LUZP2: variants seen among roughly 807,000 people sequenced by gnomAD.
LUZP2 encodes the protein leucine zipper protein 2.
LUZP2 carries 52 observed loss-of-function variants against 51.6 expected under a neutral mutation model. The observed-to-expected ratio is 1.01, with a 90% CI of 0.81 to 1.27. The LOEUF (loss-of-function observed/expected upper bound fraction) is 1.27. Ranked by LOEUF, LUZP2 falls within the 50% of genes most tolerant of loss-of-function variation. LUZP2 has a pLI of 0.00. For missense variants in LUZP2, 436 were observed against 395.4 expected (o/e 1.10, Z -0.87); for synonymous variants, 154 against 137.3 (o/e 1.12, Z -0.85).
At chr11:25,054,107 A>G (rs568114750) in intron 10 of LUZP2, among the ~76,000 whole-genome samples, 2 of 152,312 alleles carry the variant, frequency 1.3e-5, no homozygotes, top group Admixed American at 6.5e-5. Flanking sequence ...TCACTTAGGT[A>G]GCTTGTCTGT....
chr11:24,609,817 G>C (rs928329519), intron 1 of LUZP2, among the ~76,000 whole-genome samples: 6 of 149,008 alleles, frequency 4.0e-5, no homozygotes, highest in Admixed American at 2.7e-4. Context: ...AAATTCATCA[G>C]AGAACTAAGG....
intron 4 of LUZP2, among the ~76,000 whole-genome samples, chr11:24,746,031 T>C (rs1859367896): frequency 6.6e-6 from 1 of 152,180 alleles, no homozygotes; most frequent in Non-Finnish European, 1.5e-5. Flanking sequence ...TTTAGGCCAT[T>C]TACCATCAAT....
chr11:24,913,544 T>C (rs1038182316), intron 6 of LUZP2, among the ~76,000 whole-genome samples: 5 of 152,140 alleles, frequency 3.3e-5, no homozygotes, highest in African/African-American at 1.2e-4. Flanking sequence ...TGTAATGCAA[T>C]GTACATATGT....
chr11:24,957,795 G>A (rs546435022), intron 7 of LUZP2, among the ~76,000 whole-genome samples: 24 of 152,058 alleles, frequency 1.6e-4, no homozygotes, highest in Admixed American at 1.3e-3. Flanking sequence ...GGGTACATGT[G>A]CACAATGTGC....
chr11:24,996,110 A>C (rs75344124), intron 9 of LUZP2, among the ~76,000 whole-genome samples: 55 of 151,374 alleles, frequency 3.6e-4, no homozygotes, highest in African/African-American at 1.2e-3. Context: ...TATATTTAAC[A>C]ACAAATTGTG....
intron 1 of LUZP2, among the ~76,000 whole-genome samples, chr11:24,523,786 A>C (rs1409484613): frequency 6.6e-6 from 1 of 151,726 alleles, no homozygotes; most frequent in South Asian, 2.1e-4. Context: ...GTAATATATT[A>C]ATTTTGATCC....
intron 9 of LUZP2, among the ~76,000 whole-genome samples, chr11:25,001,401 T>C (rs911786315): frequency 1.3e-5 from 2 of 152,210 alleles, no homozygotes; most frequent in African/African-American, 4.8e-5. Context: ...CATCTAGTCC[T>C]GTCCTGAAGG....
chr11:24,895,175 A>G (rs2133766220), intron 5 of LUZP2, among the ~76,000 whole-genome samples: 2 of 152,296 alleles, frequency 1.3e-5, no homozygotes, highest in South Asian at 2.1e-4. Context: ...TAGGAAGTTT[A>G]CCCTGAAACA....
At chr11:24,690,987 T>C (rs779147983) in intron 1 of LUZP2, among the ~76,000 whole-genome samples, 8 of 152,100 alleles carry the variant, frequency 5.3e-5, no homozygotes, top group Non-Finnish European at 1.2e-4. Context: ...AACATAGATG[T>C]TGTTTTCTGT....
At chr11:24,915,935 T>G (rs1273987843) in intron 7 of LUZP2, among the ~76,000 whole-genome samples, 1 of 152,174 alleles carries the variant, frequency 6.6e-6, no homozygotes, top group Non-Finnish European at 1.5e-5. Flanking sequence ...TAGATTCTAT[T>G]TCACATACTT....
At chr11:24,908,881 G>T (rs1853542502) in intron 6 of LUZP2, among the ~76,000 whole-genome samples, 1 of 151,110 alleles carries the variant, frequency 6.6e-6, no homozygotes. Context: ...TCAGCCTCCT[G>T]AGTAGCTGGG....
chr11:24,889,315 A>T (rs1852774326), intron 5 of LUZP2, among the ~76,000 whole-genome samples: 1 of 152,192 alleles, frequency 6.6e-6, no homozygotes, highest in Non-Finnish European at 1.5e-5. Flanking sequence ...TAACTAAAAA[A>T]TCTGGGATAT....
In LUZP2 at chr11:24,642,374, T is replaced by C. The variant is rs1023729935; in HGVS notation, c.63-86795T>C. ...ATAAAACTCTATGAGTTTTGACAAA[T>C]TCATTGTATCATGTGTATACCATTG... On this transcript the variant is annotated intron_variant, in intron 1 of 11. Transcript: ENST00000336930. Among the ~76,000 whole-genome samples, 6 of 151,872 alleles carry C rather than the reference T, an allele frequency of 4.0e-5. No individual in the cohort carries two copies. The Middle Eastern group carries it at 0.01, about 258-fold the overall frequency.
chr11:24,656,579 G>A (rs546091759), intron 1 of LUZP2, among the ~76,000 whole-genome samples: 1 of 152,258 alleles, frequency 6.6e-6, no homozygotes, highest in African/African-American at 2.4e-5. Context: ...CCTTCCAGGA[G>A]GCTCTGGGAA....
At chr11:24,965,549 G>A (rs1193150405) in intron 7 of LUZP2, among the ~76,000 whole-genome samples, 1 of 151,612 alleles carries the variant, frequency 6.6e-6, no homozygotes, top group East Asian at 1.9e-4. Context: ...TAAAACATGA[G>A]ATTATAAACT....
At chr11:24,709,947 T>A (rs1436654560) in intron 1 of LUZP2, among the ~76,000 whole-genome samples, 2 of 152,146 alleles carry the variant, frequency 1.3e-5, no homozygotes, top group African/African-American at 4.8e-5. Context: ...ACAAGAGAAA[T>A]TTAAATAAAC....
chr11:24,839,529 T>C (rs1850959824), intron 5 of LUZP2, among the ~76,000 whole-genome samples: 1 of 151,740 alleles, frequency 6.6e-6, no homozygotes. Context: ...AGTACTTTAG[T>C]ACAATTCAAT....
chr11:24,917,104 A>C (rs1290510229), intron 7 of LUZP2, among the ~76,000 whole-genome samples: 4 of 152,000 alleles, frequency 2.6e-5, no homozygotes, highest in Non-Finnish European at 5.9e-5. Flanking sequence ...GCATTTTTTC[A>C]TGTGTCTGTT....
At chr11:24,715,697 G>A (rs150012267) in intron 1 of LUZP2, among the ~76,000 whole-genome samples, 1 of 152,122 alleles carries the variant, frequency 6.6e-6, no homozygotes, top group Non-Finnish European at 1.5e-5. Context: ...TTCTTCTAAT[G>A]TCTTACTCTT....
Sources: gnomAD v4.1 joint callset for allele counts (sites outside exome capture counted in the v4.1 genomes callset) on GRCh38, gnomAD v4.1.1 for gene constraint, MANE v1.5 for transcripts, NCBI Gene and HGNC (gene_info 2026-07-23, HGNC 2026-07-21) for gene names.